Variants in RDH12 observed in about 807,000 individuals in gnomAD.
The protein encoded by RDH12 is retinol dehydrogenase 12, also known as all-trans and 9-cis retinol dehydrogenase.
RDH12 carries 21 observed loss-of-function variants against 34.0 expected under a neutral mutation model. The observed-to-expected ratio is 0.62, with a 90% CI of 0.44 to 0.89. The LOEUF is 0.89. Among genes scored for constraint, RDH12 ranks in the 40% least tolerant of loss-of-function variants. The probability of loss-of-function intolerance (pLI) is 0.00; values close to 1 mark genes in which losing one functional copy is unlikely to be tolerated. For missense variants in RDH12, 394 were observed against 398.6 expected, an observed-to-expected ratio of 0.99 and a Z score of 0.10; for synonymous variants, 198 against 169.9, an observed-to-expected ratio of 1.17 and a Z score of -1.29.
At chr14:67,726,624 TC>T (rs1449950783) in intron 6 of RDH12, among the ~76,000 whole-genome samples, 2 of 152,152 alleles carry the variant, frequency 1.3e-5, no homozygotes, top group African/African-American at 4.8e-5. Flanking sequence ...TGTTTTCTGA[TC>T]CTAAGCAAAT....
chr14:67,717,043 C>T (rs1313640655), intron 1 of RDH12, among the ~76,000 whole-genome samples: 1 of 152,118 alleles, frequency 6.6e-6, no homozygotes, highest in Admixed American at 6.5e-5. Context: ...TATTAACATA[C>T]TTCAAACTAA....
chr14:67,706,443 T>A (rs967532245), intron 1 of RDH12, among the ~76,000 whole-genome samples: 2 of 152,160 alleles, frequency 1.3e-5, no homozygotes, highest in African/African-American at 2.4e-5. Flanking sequence ...GAACACAGTT[T>A]GGTTTTATAC....
intron 1 of RDH12, among the ~76,000 whole-genome samples, chr14:67,710,746 G>A (rs771569860): frequency 3.3e-5 from 5 of 149,780 alleles, no homozygotes; most frequent in African/African-American, 7.4e-5. Flanking sequence ...TAGAAAGAAC[G>A]TTTTCCTACA....
At chr14:67,714,243 C>T (rs1328402796) in intron 1 of RDH12, among the ~76,000 whole-genome samples, 1 of 152,202 alleles carries the variant, frequency 6.6e-6, no homozygotes, top group African/African-American at 2.4e-5. Context: ...TCAAGTTCTC[C>T]TCCTGCCTCA....
intron 1 of RDH12, chr14:67,717,940 G>T (rs1226684403): frequency 6.6e-6 from 1 of 152,154 alleles, no homozygotes; most frequent in African/African-American, 2.4e-5. Context: ...TGAATTAAGA[G>T]TAAGGGTTGC....
intron 1 of RDH12, among the ~76,000 whole-genome samples, chr14:67,713,476 T>A (rs144751517): frequency 2.1e-5 from 3 of 146,312 alleles, no homozygotes; most frequent in African/African-American, 7.5e-5. Context: ...TTTTGGGACA[T>A]CAGGGATTCT....
rs79758974 is a variant in RDH12 at position 67,712,493 on chromosome 14, C to CAAA, written c.-274-8333_-274-8331dup. ...CAGTCAACTGAGAAGAAAAAACTTG[C>CAAA]AAAAAAAAAAAAAAAAAAAAAAAAG... On this transcript the variant is annotated intron_variant, in intron 1 of 8. Transcript: ENST00000551171. Among the ~76,000 whole-genome samples, 107 of 38,892 alleles carry CAAA rather than the reference C, an allele frequency of 2.8e-3. 5 individuals are homozygous for CAAA. Among genetic ancestry groups the CAAA allele is most frequent in the East Asian group, 0.015 (16 of 1,100 alleles). The allele number at this position is 38,892 out of a possible 152,430, so 25.5% of individuals were successfully genotyped here.
At chr14:67,705,743 G>A (rs1005548861) in intron 1 of RDH12, among the ~76,000 whole-genome samples, 1 of 152,058 alleles carries the variant, frequency 6.6e-6, no homozygotes, top group Non-Finnish European at 1.5e-5. Flanking sequence ...TATTATTTTT[G>A]CAATTTTTTG....
intron 1 of RDH12, among the ~76,000 whole-genome samples, chr14:67,719,163 A>G (rs1047308838): frequency 2.0e-5 from 3 of 152,260 alleles, no homozygotes; most frequent in African/African-American, 7.2e-5. Flanking sequence ...ATCATTGCCT[A>G]TGGATGACAG....
At position 67,729,794 on chromosome 14, in the gene RDH12, C is replaced by T. The variant is rs146832642; in HGVS notation, c.848+414C>T. 44 of 497,444 alleles carry T rather than the reference C, an allele frequency of 8.8e-5. No homozygotes were observed. The East Asian group carries it at 2.4e-3, about 27-fold the overall frequency. 30.8% of individuals were successfully genotyped at this position (497,444 alleles called of 1,614,324 possible). On this transcript the variant is annotated intron_variant, in intron 8 of 8. Transcript: ENST00000551171. Reference sequence around the variant, plus strand: ...TCTCTCTTCGGTGTGAACTCTGTCCCTCAATGCTGCCAAGATTGGCACTAT... The same window carrying T: ...TCTCTCTTCGGTGTGAACTCTGTCCTTCAATGCTGCCAAGATTGGCACTAT...
intron 4 of RDH12, 73 bp downstream of exon 4, chr14:67,724,664 T>C: frequency 2.6e-6 from 3 of 1,138,436 alleles, no homozygotes; most frequent in Non-Finnish European, 4.0e-6. Context: ...TCTGTCCATA[T>C]TGCTTTGTGT....
In RDH12 at chr14:67,716,232, T is replaced by C. The variant is rs563118182; in HGVS notation, c.-274-4616T>C. On this transcript the variant is annotated intron_variant, in intron 1 of 8. Transcript: ENST00000551171. Reference sequence around the variant, plus strand: ...AAAAGAAAAGAAAAAAGAAATTGCCTAACTAAGTTATAAGTCAAACCGCTG... The same window carrying C: ...AAAAGAAAAGAAAAAAGAAATTGCCCAACTAAGTTATAAGTCAAACCGCTG... Among the ~76,000 whole-genome samples the C allele has an allele frequency of 2.0e-5, 3 of 151,498 alleles. No individual in the cohort carries two copies. The East Asian group carries it at 5.8e-4, about 29-fold the overall frequency.
At chr14:67,724,445 G>A (rs762556761) in intron 3 of RDH12, 28 bp from the exon 4 acceptor site, 16 of 1,377,728 alleles carry the variant, frequency 1.2e-5, no homozygotes, top group African/African-American at 2.8e-5. Flanking sequence ...AGGATGGTAC[G>A]TGATGCTCTT....
At chr14:67,726,556 G>A (rs558159443) in intron 6 of RDH12, among the ~76,000 whole-genome samples, 61 of 152,158 alleles carry the variant, frequency 4.0e-4, no homozygotes, top group Non-Finnish European at 5.0e-4. Context: ...ACTTGAGTAC[G>A]AGGCAGGGTG....
In RDH12 at chr14:67,725,312, C is replaced by T. The variant is rs2038172786; in HGVS notation, c.343+58C>T. 1.9e-6 allele frequency: 3 copies of T among 1,548,902 alleles called. No homozygotes were observed. The Admixed American group carries it at 5.1e-5, about 27-fold the overall frequency. On this transcript the variant is annotated intron_variant, in intron 5 of 8. Coordinates refer to ENST00000551171, the MANE Select transcript of RDH12 (RefSeq NM_152443.3). Reference sequence around the variant, plus strand: ...AAATTGGGTATGGGAGTGGCTGCTCCACCCTAGACCATCTATGGCCCTTAC... The same window carrying T: ...AAATTGGGTATGGGAGTGGCTGCTCTACCCTAGACCATCTATGGCCCTTAC...
intron 1 of RDH12, among the ~76,000 whole-genome samples, chr14:67,710,951 C>T (rs1411558898): frequency 6.6e-6 from 1 of 152,072 alleles, no homozygotes; most frequent in South Asian, 2.1e-4. Flanking sequence ...TATGGAACCA[C>T]CATTGCAAAA....
At chr14:67,732,126 CAA>C (rs71129854) in intron 8 of RDH12, among the ~76,000 whole-genome samples, 72 of 77,502 alleles carry the variant, frequency 9.3e-4, no homozygotes, top group East Asian at 6.3e-3. Flanking sequence ...GACTCTGTCT[CAA>C]AAAAAAAAAA....
chr14:67,716,135 T>C (rs972113246), intron 1 of RDH12, among the ~76,000 whole-genome samples: 2 of 150,710 alleles, frequency 1.3e-5, no homozygotes, highest in African/African-American at 4.9e-5. Flanking sequence ...AGGCGGAGCT[T>C]GCAGTGGGCC....
intron 1 of RDH12, among the ~76,000 whole-genome samples, chr14:67,713,278 A>C (rs1034314888): frequency 9.5e-5 from 14 of 147,562 alleles, no homozygotes; most frequent in African/African-American, 3.1e-4. Context: ...AAAACAAAAC[A>C]AAAAAAAACC....
Sources: allele counts gnomAD v4.1 joint callset (sites outside exome capture counted in the v4.1 genomes callset), GRCh38; gene constraint gnomAD v4.1.1; transcripts MANE v1.5; gene names NCBI Gene and HGNC (gene_info 2026-07-23, HGNC 2026-07-21).